The following ANKRD24 variants were observed in gnomAD, a reference collection of about 807,000 sequenced individuals.
ANKRD24 encodes ankyrin repeat domain-containing protein 24.
A neutral mutation model predicts 127.8 loss-of-function variants in ANKRD24; 109 were observed. The ratio of observed to expected loss-of-function variants is 0.85; its 90% CI spans 0.73 to 1.00. The LOEUF is 1.00. Among genes scored for constraint, ANKRD24 ranks in the 50% least tolerant of loss-of-function variants. The pLI is 0.00. For synonymous variants in ANKRD24, 743 were observed against 671.1 expected, an observed-to-expected ratio of 1.11 and a Z score of -1.66; for missense variants, 1,648 against 1,570.2, an observed-to-expected ratio of 1.05 and a Z score of -0.84.
intron 5 of ANKRD24, among the ~76,000 whole-genome samples, chr19:4,201,430 T>C (rs900144977): frequency 1.3e-5 from 2 of 151,984 alleles, no homozygotes; most frequent in Non-Finnish European, 2.9e-5. Context: ...AACTTTGGTG[T>C]AGTGGACCCT....
intron 5 of ANKRD24, 104 bp downstream of exon 5, chr19:4,200,275 A>G: frequency 1.6e-6 from 2 of 1,252,690 alleles, no homozygotes; most frequent in South Asian, 1.4e-5. Flanking sequence ...TCCCCGCTGA[A>G]AAAAGGGGAG....
chr19:4,210,985 C>T (rs1428361087), intron 13 of ANKRD24, among the ~76,000 whole-genome samples: 1 of 151,954 alleles, frequency 6.6e-6, no homozygotes, highest in African/African-American at 2.4e-5. Flanking sequence ...AGGCGCCCAC[C>T]ACCACATCCA....
intron 20 of ANKRD24, among the ~76,000 whole-genome samples, chr19:4,223,395 A>ATTTTT (rs1337920712): frequency 3.4e-5 from 2 of 59,000 alleles, no homozygotes; most frequent in African/African-American, 1.6e-4. Flanking sequence ...ATATATATAT[A>ATTTTT]TATATATTTT....
At chr19:4,207,359 G>A (rs1969450295) in intron 8 of ANKRD24, 47 bp downstream of exon 8, 3 of 1,591,622 alleles carry the variant, frequency 1.9e-6, no homozygotes, top group Non-Finnish European at 2.6e-6. Flanking sequence ...CTTGAGGTAT[G>A]CTGCCACCAA....
rs192375344 is a variant in ANKRD24 at position 4,224,150 on chromosome 19, C to T, written c.3321C>T (p.Ser1107=). ...QLQEAARDHS[S]VVALYRSHLL... is the part of the protein sequence containing the mutation. ...AGGAAGCTGCCAGGGACCACTCCAG[C>T]GTGGTGGCTTTGTACAGAAGCCACC... Residue 1107 remains serine (S), a synonymous_variant, in exon 21 of 22, where the codon AGC becomes AGT. Transcript: ENST00000318934. The T allele has an allele frequency of 7.1e-5, 115 of 1,612,866 alleles. No homozygotes were observed. In the East Asian group the frequency reaches 9.4e-4, roughly 13 times the overall value.
chr19:4,183,651 C>T (rs1015264556), intron 1 of ANKRD24, among the ~76,000 whole-genome samples: 2 of 152,068 alleles, frequency 1.3e-5, no homozygotes, highest in African/African-American at 2.4e-5. Flanking sequence ...CAGTGGCTCA[C>T]ACCTGTAATC....
In ANKRD24 at chr19:4,210,146, A is replaced by G. The variant is rs1568332133; in HGVS notation, c.951+8A>G. 6.2e-7 allele frequency: 1 copy of G among 1,603,762 alleles called. No individual in the cohort carries two copies. The highest frequency in any genetic ancestry group is 2.2e-5 in the East Asian group (1 of 44,506). On this transcript the variant is annotated splice_region_variant and intron_variant, in intron 12 of 21. Coordinates refer to ENST00000318934, the MANE Select transcript of ANKRD24 (RefSeq NM_001393985.1). ...GCCAGCATTCCCATGCCGGTGAGAG[A>G]TGCTCTGGGCACGGGAGGAGGCATG...
chr19:4,224,218 C>T lies in ANKRD24; in HGVS notation c.3363+26C>T, dbSNP rs60268262. On this transcript the variant is annotated intron_variant, in intron 21 of 21. Coordinates refer to ENST00000318934, the MANE Select transcript of ANKRD24 (RefSeq NM_001393985.1). ...GTGAGTGGCCCAGCTCCTGGGTACC[C>T]GGTGGCTTTGGGCATACCACTGTTG... The T allele has an allele frequency of 0.014, 21,849 of 1,598,132 alleles. 843 individuals carry two copies. In the African/African-American group the frequency reaches 0.14, roughly 10 times the overall value.
At chr19:4,219,464 G>C in intron 18 of ANKRD24, 127 bp from the exon 19 acceptor site, 2 of 1,142,588 alleles carry the variant, frequency 1.8e-6, no homozygotes, top group Non-Finnish European at 1.2e-6. Flanking sequence ...CGGAGCAACA[G>C]AGCAAGACCC....
In ANKRD24 at chr19:4,186,475, C is replaced by T. The variant is rs373755655; in HGVS notation, c.36+14C>T. On this transcript the variant is annotated intron_variant, in intron 2 of 21. Transcript: ENST00000318934. ...AAGAAGACAGAGGTGAGTGTGAGGC[C>T]CTAGATGCCCGATACACCCCTGCAA... 23 of 1,588,028 alleles carry T rather than the reference C, an allele frequency of 1.4e-5. No individual in the cohort carries two copies. The African/African-American group carries it at 3.0e-4, about 20-fold the overall frequency.
intron 7 of ANKRD24, among the ~76,000 whole-genome samples, chr19:4,206,172 TAAATAAATAAA>T (rs1487630452): frequency 1.0e-5 from 1 of 97,184 alleles, no homozygotes; most frequent in African/African-American, 3.9e-5. Context: ...AATAAATAAA[TAAATAAATAAA>T]ATTAAATAAA....
In ANKRD24 at chr19:4,198,552, C is replaced by T; in HGVS notation, c.37-1131C>T. ...TTCGCGGTAGGGCCCGGGGAGGGGG[C>T]GCAGGAGCGGGCGGGGCGCGGGTAC... On this transcript the variant is annotated intron_variant, in intron 2 of 21. Transcript: ENST00000318934. The surrounding 1 kb of genome is among the most constrained non-coding windows in gnomAD (Gnocchi z 6.1). 1.8e-6 allele frequency: 1 copy of T among 544,848 alleles called. No individual in the cohort carries two copies. The highest frequency in any genetic ancestry group is 2.2e-5 in the South Asian group (1 of 46,168). The allele number at this position is 544,848 out of a possible 1,614,324, so 33.8% of individuals were successfully genotyped here. A position where few individuals can be genotyped will look rare whatever the true frequency, so the allele number is the denominator to read the frequency against.
chr19:4,198,538 G>A lies in ANKRD24; in HGVS notation c.37-1145G>A. ...GCGCAGCCGCCTCCTTCGCGGTAGGGCCCGGGGAGGGGGCGCAGGAGCGGG... is the reference window on the plus strand; with the variant it reads ...GCGCAGCCGCCTCCTTCGCGGTAGGACCCGGGGAGGGGGCGCAGGAGCGGG... On this transcript the variant is annotated intron_variant, in intron 2 of 21. Coordinates refer to ENST00000318934, the MANE Select transcript of ANKRD24 (RefSeq NM_001393985.1). This position sits in a 1 kb window ranked among gnomAD's most constrained non-coding sequence, Gnocchi z 6.1. 1.7e-6 allele frequency: 1 copy of A among 574,814 alleles called. No individual in the cohort carries two copies. Among genetic ancestry groups the A allele is most frequent in the Non-Finnish European group, 3.1e-6 (1 of 321,024 alleles). The allele number at this position is 574,814 out of a possible 1,614,324, so 35.6% of individuals were successfully genotyped here.
intron 1 of ANKRD24, chr19:4,183,271 C>T: frequency 2.0e-6 from 2 of 984,246 alleles, no homozygotes; most frequent in Non-Finnish European, 2.4e-6. Flanking sequence ...TGAGCCACTG[C>T]GTCCGGCCAA....
intron 9 of ANKRD24, 48 bp downstream of exon 9, chr19:4,207,655 C>T (rs373650076): frequency 2.8e-5 from 45 of 1,604,768 alleles, no homozygotes; most frequent in African/African-American, 1.2e-4. Flanking sequence ...GTGTGACCTT[C>T]GGCAAGACTT....
At chr19:4,187,373 A>G (rs1036293158) in intron 2 of ANKRD24, among the ~76,000 whole-genome samples, 32 of 151,664 alleles carry the variant, frequency 2.1e-4, no homozygotes, top group African/African-American at 7.3e-4. Flanking sequence ...AGATTGTGCC[A>G]TTGCACTGCA....
In ANKRD24 at chr19:4,217,844, C is replaced by T. The variant is rs1245933813; in HGVS notation, c.2684C>T (p.Ala895Val). ...VAELPAACEE[A>V]RQGLAELREA... ...GAGCTGCCTGCGGCCTGCGAGGAGG[C>T]GCGGCAGGGCCTGGCCGAGCTGCGG... The change falls in exon 18 of 22, where the codon GCG becomes GTG. Residue 895 changes from alanine (A) to valine (V), a missense_variant. Physicochemically the swap from Ala to Val is moderately conservative, Grantham distance 64. Coordinates refer to ENST00000318934, the MANE Select transcript of ANKRD24 (RefSeq NM_001393985.1). 2.8e-6 allele frequency: 4 copies of T among 1,436,556 alleles called. No individual in the cohort carries two copies. The highest frequency in any genetic ancestry group is 3.1e-5 in the East Asian group (1 of 32,070). 89.0% of individuals were successfully genotyped at this position (1,436,556 alleles called of 1,614,324 possible).
At position 4,195,571 on chromosome 19, in the gene ANKRD24, C is replaced by G. The variant is rs1968678309; in HGVS notation, c.37-4112C>G. Reference sequence around the variant, plus strand: ...TGCCTGTCACTTTCCATTTTCCTGCCTTGGTTCCCACTCCTCCCTCCTCTT... The same window carrying G: ...TGCCTGTCACTTTCCATTTTCCTGCGTTGGTTCCCACTCCTCCCTCCTCTT... On this transcript the variant is annotated intron_variant, in intron 2 of 21. Coordinates refer to ENST00000318934, the MANE Select transcript of ANKRD24 (RefSeq NM_001393985.1). The surrounding 1 kb of genome is among the most constrained non-coding windows in gnomAD (Gnocchi z 4.2). 6.6e-6 allele frequency among the ~76,000 whole-genome samples: 1 copy of G among 152,174 alleles called. No individual in the cohort carries two copies.
At chr19:4,186,695 A>T (rs565150345) in intron 2 of ANKRD24, among the ~76,000 whole-genome samples, 2 of 151,864 alleles carry the variant, frequency 1.3e-5, no homozygotes, top group Non-Finnish European at 2.9e-5. Flanking sequence ...CATTGCCACC[A>T]ATCAGACCCT....
Sources: allele counts gnomAD v4.1 joint callset (sites outside exome capture counted in the v4.1 genomes callset), GRCh38; gene constraint gnomAD v4.1.1; non-coding constraint Gnocchi (gnomAD v3.1); transcripts MANE v1.5; gene names NCBI Gene and HGNC (gene_info 2026-07-23, HGNC 2026-07-21).